TASL: variants seen among roughly 807,000 people sequenced by gnomAD.
TASL encodes TLR adapter interacting with SLC15A4 on the lysosome.
Under a neutral mutation model 12.9 loss-of-function variants are expected in TASL, and 6 were observed. The observed-to-expected ratio is 0.46, with a 90% CI of 0.25 to 0.92. TASL has a LOEUF of 0.92. TASL is among the 40% of genes least tolerant of loss of function. The pLI is 0.17. For synonymous variants in TASL, 85 were observed against 79.3 expected (o/e 1.07, Z -0.38); for missense variants, 165 against 212.8 (o/e 0.78, Z 1.40).
At chrX:30,564,587 A>G (rs1034142990) in intron 2 of TASL, among the ~76,000 whole-genome samples, 1 of 112,053 alleles carries the variant, frequency 8.9e-6, no homozygotes, top group African/African-American at 3.2e-5. Context: ...CAATGAAAAA[A>G]TGTCTACAAA....
chrX:30,569,329 C>G (rs73449839), intron 2 of TASL, among the ~76,000 whole-genome samples: 3,034 of 109,824 alleles, frequency 0.028, 112 homozygotes, highest in African/African-American at 0.096. Flanking sequence ...GAGAGAGGAG[C>G]CAAAAGTAAC....
chrX:30,573,721 C>T (rs182791645), intron 2 of TASL, among the ~76,000 whole-genome samples: 11 of 110,040 alleles, frequency 1.0e-4, no homozygotes, highest in African/African-American at 3.3e-4. Context: ...AGTTCAAGAC[C>T]AGCCTGACCA....
intron 2 of TASL, among the ~76,000 whole-genome samples, chrX:30,571,282 G>GAAAGAAAGAA (rs1569306134): frequency 2.8e-4 from 19 of 68,497 alleles, no homozygotes; most frequent in Admixed American, 9.5e-4. Flanking sequence ...AAGAAAGAAA[G>GAAAGAAAGAA]AAAGAAAGAA....
chrX:30,573,801 C>G (rs1930665735), intron 2 of TASL, among the ~76,000 whole-genome samples: 1 of 110,362 alleles, frequency 9.1e-6, no homozygotes, highest in East Asian at 2.8e-4. Context: ...ACCTGTAGTC[C>G]CAGCTACTCG....
At chrX:30,564,879 G>C (rs1396214282) in intron 2 of TASL, among the ~76,000 whole-genome samples, 1 of 111,786 alleles carries the variant, frequency 8.9e-6, no homozygotes, top group Non-Finnish European at 1.9e-5. Context: ...GCAATGTAAA[G>C]GGCCTCACTC....
intron 2 of TASL, among the ~76,000 whole-genome samples, chrX:30,573,519 C>G (rs892167821): frequency 8.9e-6 from 1 of 112,348 alleles, no homozygotes; most frequent in Non-Finnish European, 1.9e-5. Flanking sequence ...ATTAATTTAT[C>G]CTCTTTTTTT....
At chrX:30,577,049 C>G (rs1359788376) in intron 1 of TASL, among the ~76,000 whole-genome samples, 183 bp from the exon 2 acceptor site, 1 of 112,029 alleles carries the variant, frequency 8.9e-6, no homozygotes, top group African/African-American at 3.2e-5. Context: ...CCCAAATCAC[C>G]CAGATGAAAG....
intron 2 of TASL, among the ~76,000 whole-genome samples, chrX:30,565,213 G>C (rs932489083): frequency 9.0e-6 from 1 of 111,666 alleles, no homozygotes. Context: ...CCAGGACTGG[G>C]AAAAGCAGAT....
chrX:30,558,889 C>G lies in TASL; in HGVS notation c.*561G>C, dbSNP rs988273037. ...ATGGAGCGACCTCGGCTCACTGCAA[C>G]CTCTGCCTCTCAGGTTCAAGAGATT... On this transcript the variant is annotated 3_prime_UTR_variant, in exon 3 of 3. Transcript: ENST00000378962. The G allele has an allele frequency of 2.7e-5, 3 of 109,649 alleles. No individual in the cohort carries two copies. In the Admixed American group the frequency reaches 2.9e-4, roughly 11 times the overall value. 9.0% of individuals were successfully genotyped at this position (109,649 alleles called of 1,213,427 possible).
Position 30,559,328 on chromosome X carries a change from G to T in TASL, c.*122C>A, listed in dbSNP as rs1930382517. 1.0e-5 allele frequency: 5 copies of T among 499,904 alleles called. No homozygotes were observed. Among genetic ancestry groups the T allele is most frequent in the Non-Finnish European group, 1.7e-5 (5 of 300,672 alleles). 41.2% of individuals were successfully genotyped at this position (499,904 alleles called of 1,213,427 possible). A position where few individuals can be genotyped will look rare whatever the true frequency, so the allele number is the denominator to read the frequency against. On this transcript the variant is annotated 3_prime_UTR_variant, in exon 3 of 3. Transcript: ENST00000378962. ...CATGATTCACACATGACTTCCAGCT[G>T]ATCTTTACTTCTCTAGCCCTTAATT...
At position 30,559,446 on chromosome X, in the gene TASL, C is replaced by T; in HGVS notation, c.*4G>A. On this transcript the variant is annotated 3_prime_UTR_variant, in exon 3 of 3. Transcript: ENST00000378962. ...AATGCGAGACAGTAATGGAAGCATC[C>T]TCTCTATGGATTTACATTGCTATAC... 5.3e-6 allele frequency: 6 copies of T among 1,141,060 alleles called. No homozygotes were observed. The highest frequency in any genetic ancestry group is 7.0e-6 in the Non-Finnish European group (6 of 852,650). The allele number at this position is 1,141,060 out of a possible 1,213,427, so 94.0% of individuals were successfully genotyped here. A position where few individuals can be genotyped will look rare whatever the true frequency, so the allele number is the denominator to read the frequency against.
chrX:30,570,275 AAGAG>A (rs1380607810), intron 2 of TASL, among the ~76,000 whole-genome samples: 6 of 109,250 alleles, frequency 5.5e-5, no homozygotes, highest in Non-Finnish European at 1.1e-4. Flanking sequence ...TATGAAGAGA[AAGAG>A]AGAGAGCACG....
intron 2 of TASL, among the ~76,000 whole-genome samples, chrX:30,565,377 G>A (rs1057470277): frequency 1.8e-5 from 2 of 112,212 alleles, no homozygotes; most frequent in South Asian, 3.6e-4. Context: ...AGAACAGATC[G>A]GAAGGCTTCT....
intron 2 of TASL, among the ~76,000 whole-genome samples, chrX:30,576,015 G>C (rs910126479): frequency 3.6e-5 from 4 of 111,547 alleles, no homozygotes; most frequent in Non-Finnish European, 5.7e-5. Context: ...TTTCTTTGGT[G>C]TTATAATTGT....
intron 2 of TASL, among the ~76,000 whole-genome samples, chrX:30,571,270 G>GAAAGAAAGAAAGAAAGAAAAAGAAAGAA: frequency 2.1e-5 from 1 of 48,529 alleles, no homozygotes; most frequent in African/African-American, 6.4e-5. Context: ...AAGAAAGAAA[G>GAAAGAAAGAAAGAAAGAAAAAGAAAGAA]AAAGAAAGAA....
intron 2 of TASL, among the ~76,000 whole-genome samples, chrX:30,562,382 C>G (rs780991716): frequency 1.8e-5 from 2 of 111,714 alleles, no homozygotes; most frequent in Admixed American, 9.5e-5. Context: ...GGTGCAGGAG[C>G]AGAAGGAGAG....
chrX:30,570,648 A>T (rs1930579851), intron 2 of TASL, among the ~76,000 whole-genome samples: 1 of 111,626 alleles, frequency 9.0e-6, no homozygotes, highest in Non-Finnish European at 1.9e-5. Context: ...TTTGAATGAG[A>T]TTATGAAGAA....
In TASL at chrX:30,560,062, A is replaced by G. The variant is rs774070004; in HGVS notation, c.294T>C (p.Ala98=). ...PNPVFESPNL[A]AVEICRDASR... is the part of the protein sequence containing the mutation. ...TGGCATCTCTACATATTTCAACTGC[A>G]GCCAAGTTTGGGCTTTCAAACACAG... The change falls in exon 3 of 3, where the codon GCT becomes GCC. Residue 98 remains alanine (A), a synonymous_variant. Transcript: ENST00000378962. 6 of 1,210,198 alleles carry G rather than the reference A, an allele frequency of 5.0e-6. No individual in the cohort carries two copies. Among genetic ancestry groups the G allele is most frequent in the Non-Finnish European group, 5.6e-6 (5 of 895,277 alleles).
chrX:30,562,784 T>G (rs1198249675), intron 2 of TASL, among the ~76,000 whole-genome samples: 1 of 109,902 alleles, frequency 9.1e-6, no homozygotes, highest in Non-Finnish European at 1.9e-5. Context: ...CCAATTGAGG[T>G]TGAAGAAAGC....
Sources: allele counts gnomAD v4.1 joint callset (sites outside exome capture counted in the v4.1 genomes callset), GRCh38; gene constraint gnomAD v4.1.1; transcripts MANE v1.5; gene names NCBI Gene and HGNC (gene_info 2026-07-23, HGNC 2026-07-21).